NLGN4X: variants seen among roughly 807,000 people sequenced by gnomAD.
NLGN4X encodes neuroligin-4, X-linked.
NLGN4X carries 3 observed loss-of-function variants against 40.3 expected under a neutral mutation model. The ratio of observed to expected loss-of-function variants is 0.07; its 90% CI spans 0.03 to 0.19. The LOEUF (loss-of-function observed/expected upper bound fraction) is 0.19, where lower values mean the gene tolerates loss of function less well. Among genes scored for constraint, NLGN4X ranks in the 10% least tolerant of loss-of-function variants. The pLI, the probability that NLGN4X is intolerant of heterozygous loss-of-function variation, is 1.00. For synonymous variants in NLGN4X, 270 were observed against 306.8 expected, an observed-to-expected ratio of 0.88 and a Z score of 1.25; for missense variants, 382 against 708.3, an observed-to-expected ratio of 0.54 and a Z score of 5.23.
chrX:6,095,833 G>C (rs1477464491), intron 2 of NLGN4X, among the ~76,000 whole-genome samples: 1 of 111,835 alleles, frequency 8.9e-6, no homozygotes, highest in East Asian at 2.8e-4. Context: ...AGTTTTAATA[G>C]TGCTAATGTG....
intron 3 of NLGN4X, among the ~76,000 whole-genome samples, chrX:5,952,173 A>C (rs746884599): frequency 1.8e-5 from 2 of 111,666 alleles, no homozygotes; most frequent in African/African-American, 3.3e-5. Context: ...AGTGAATTTA[A>C]GAAAGGATAG....
chrX:6,166,135 T>G (rs2040490792), intron 1 of NLGN4X, among the ~76,000 whole-genome samples: 1 of 112,847 alleles, frequency 8.9e-6, no homozygotes, highest in Non-Finnish European at 1.9e-5. Context: ...AAATACTGTT[T>G]ACGCTTATTG....
At chrX:5,972,172 T>C (rs1338027819) in intron 3 of NLGN4X, among the ~76,000 whole-genome samples, 3 of 110,632 alleles carry the variant, frequency 2.7e-5, no homozygotes, top group South Asian at 3.9e-4. Flanking sequence ...TGCATGTATG[T>C]ATGCATGCAT....
At chrX:6,145,746 C>G (rs1235738073) in intron 2 of NLGN4X, among the ~76,000 whole-genome samples, 1 of 110,958 alleles carries the variant, frequency 9.0e-6, no homozygotes, top group Non-Finnish European at 1.9e-5. Flanking sequence ...CAGCTTCTTT[C>G]CCTGTTGTTC....
intron 3 of NLGN4X, among the ~76,000 whole-genome samples, chrX:5,923,917 T>A (rs767023564): frequency 1.8e-5 from 2 of 111,951 alleles, no homozygotes; most frequent in East Asian, 5.6e-4. Context: ...TTGATCTTGT[T>A]GACCAGGACA....
rs747428290 is a variant in NLGN4X, at chrX:5,909,648, G to T, written c.626-409C>A. Among the ~76,000 whole-genome samples the T allele has an allele frequency of 1.9e-4, 20 of 104,964 alleles. No homozygotes were observed. The East Asian group carries it at 2.1e-3, about 11-fold the overall frequency. The allele number at this position is 104,964 out of a possible 115,157, so 91.1% of individuals were successfully genotyped here. ...TTTCAGGGAAAACAGTACGTGTGTG[G>T]GGGGGGGAGGGGGCGTAAGTGCACA... is the stretch of plus-strand genomic sequence containing the variant. On this transcript the variant is annotated intron_variant, in intron 3 of 5. Transcript: ENST00000381095.
chrX:5,953,387 C>T (rs967460194), intron 3 of NLGN4X, among the ~76,000 whole-genome samples: 1 of 110,506 alleles, frequency 9.0e-6, no homozygotes, highest in Non-Finnish European at 1.9e-5. Context: ...AAAAAAAAAT[C>T]TACTATTTGA....
chrX:6,197,068 C>T (rs897100208), intron 1 of NLGN4X, among the ~76,000 whole-genome samples: 33 of 111,559 alleles, frequency 3.0e-4, no homozygotes, highest in African/African-American at 8.8e-4. Flanking sequence ...CTCTCGCAAA[C>T]GTTATTTCAT....
intron 2 of NLGN4X, among the ~76,000 whole-genome samples, chrX:6,051,762 T>C (rs1470155031): frequency 9.0e-6 from 1 of 110,794 alleles, no homozygotes; most frequent in African/African-American, 3.3e-5. Context: ...AGGAAGTTTA[T>C]ACATTAGAGC....
intron 1 of NLGN4X, among the ~76,000 whole-genome samples, chrX:6,164,839 G>C (rs1286572504): frequency 9.0e-6 from 1 of 111,477 alleles, no homozygotes; most frequent in Non-Finnish European, 1.9e-5. Context: ...GGCTCTATCT[G>C]AGAAGTTCCT....
intron 3 of NLGN4X, among the ~76,000 whole-genome samples, chrX:6,008,458 G>A (rs2036161250): frequency 8.9e-6 from 1 of 111,905 alleles, no homozygotes; most frequent in Non-Finnish European, 1.9e-5. Flanking sequence ...ATTTTATTAG[G>A]AGAAAGAAAT....
intron 1 of NLGN4X, among the ~76,000 whole-genome samples, chrX:6,208,748 G>T (rs1318072639): frequency 8.9e-6 from 1 of 111,804 alleles, no homozygotes; most frequent in Admixed American, 9.6e-5. Flanking sequence ...TGATGAGGAT[G>T]CAGAGAGAAG....
intron 1 of NLGN4X, among the ~76,000 whole-genome samples, chrX:6,158,365 T>C (rs977642338): frequency 1.3e-4 from 14 of 111,988 alleles, no homozygotes; most frequent in South Asian, 7.5e-4. Flanking sequence ...GATCATTACT[T>C]TTCTAGTAAT....
chrX:6,195,438 T>C (rs1718684616), intron 1 of NLGN4X, among the ~76,000 whole-genome samples: 2 of 112,232 alleles, frequency 1.8e-5, no homozygotes. Context: ...ATCTCCGCAC[T>C]GTGGGGATCC....
At chrX:6,119,076 T>C (rs1489400811) in intron 2 of NLGN4X, among the ~76,000 whole-genome samples, 3 of 112,266 alleles carry the variant, frequency 2.7e-5, no homozygotes, top group Non-Finnish European at 5.6e-5. Context: ...GGAATCACGA[T>C]CTGAAATACT....
intron 3 of NLGN4X, among the ~76,000 whole-genome samples, chrX:6,019,379 A>C (rs766293776): frequency 9.8e-5 from 11 of 112,047 alleles, no homozygotes; most frequent in Non-Finnish European, 2.1e-4. Context: ...TTATGGGTAC[A>C]TAGTAAGTGT....
At chrX:6,218,578 T>C (rs192516306) in intron 1 of NLGN4X, among the ~76,000 whole-genome samples, 7 of 111,366 alleles carry the variant, frequency 6.3e-5, no homozygotes, top group African/African-American at 2.3e-4. Flanking sequence ...ATAACATTAG[T>C]GTATGGTTAA....
Position 6,116,540 on chromosome X carries a change from G to A in NLGN4X, c.472+34455C>T, listed in dbSNP as rs1177762520. 7.5e-5 allele frequency among the ~76,000 whole-genome samples: 6 copies of A among 80,323 alleles called. No individual in the cohort carries two copies. In the South Asian group the frequency reaches 2.2e-3, roughly 29 times the overall value. 69.8% of individuals were successfully genotyped at this position (80,323 alleles called of 115,157 possible). A position where few individuals can be genotyped will look rare whatever the true frequency, so the allele number is the denominator to read the frequency against. On this transcript the variant is annotated intron_variant, in intron 2 of 5. Transcript: ENST00000381095. Reference sequence around the variant, plus strand: ...AAGTGATTCTTCTGCCTCAGCCCCCGCCTCCCAGGTTCAAGTGATTCTTCG... The same window carrying A: ...AAGTGATTCTTCTGCCTCAGCCCCCACCTCCCAGGTTCAAGTGATTCTTCG...
At chrX:6,182,842 C>T (rs1004243087) in intron 1 of NLGN4X, among the ~76,000 whole-genome samples, 1 of 112,187 alleles carries the variant, frequency 8.9e-6, no homozygotes, top group Non-Finnish European at 1.9e-5. Flanking sequence ...TGTAGCTCCA[C>T]CAGGTCCATT....
Sources: gnomAD v4.1 joint callset for allele counts (sites outside exome capture counted in the v4.1 genomes callset) on GRCh38, gnomAD v4.1.1 for gene constraint, MANE v1.5 for transcripts, NCBI Gene and HGNC (gene_info 2026-07-23, HGNC 2026-07-21) for gene names.